PRKCA: variants seen among roughly 807,000 people sequenced by gnomAD.
PRKCA encodes the protein protein kinase C alpha type.
In PRKCA, 27 loss-of-function variants were observed where a neutral mutation model predicts 87.0. The observed-to-expected ratio is 0.31, with a 90% CI of 0.23 to 0.43. PRKCA has a LOEUF of 0.43. Ranked by LOEUF, PRKCA falls within the 20% of genes least tolerant of loss-of-function variation. PRKCA has a pLI of 1.00. For missense variants in PRKCA, 518 were observed against 852.3 expected (o/e 0.61, Z 4.88); for synonymous variants, 329 against 311.1 (o/e 1.06, Z -0.61).
At chr17:66,768,859 A>G (rs1974868344) in intron 13 of PRKCA, among the ~76,000 whole-genome samples, 1 of 152,198 alleles carries the variant, frequency 6.6e-6, no homozygotes, top group Non-Finnish European at 1.5e-5. Flanking sequence ...CACAAACCAT[A>G]TTGGGAGGTA....
chr17:66,620,246 TTTAGCTGGTGC>T (rs1598820265), intron 3 of PRKCA, among the ~76,000 whole-genome samples: 1 of 152,236 alleles, frequency 6.6e-6, no homozygotes, highest in African/African-American at 2.4e-5. Context: ...AACAGCCTAT[TTTAGCTGGTGC>T]CTATTTTCCT....
At chr17:66,575,679 G>A (rs371442048) in intron 3 of PRKCA, among the ~76,000 whole-genome samples, 1 of 152,200 alleles carries the variant, frequency 6.6e-6, no homozygotes, top group East Asian at 1.9e-4. Context: ...CACACATACA[G>A]GGATTACTTG....
At chr17:66,721,068 G>C (rs1258694364) in intron 8 of PRKCA, among the ~76,000 whole-genome samples, 1 of 152,164 alleles carries the variant, frequency 6.6e-6, no homozygotes, top group Non-Finnish European at 1.5e-5. Context: ...AGTCCACAGA[G>C]TAAAGTGAAA....
intron 3 of PRKCA, among the ~76,000 whole-genome samples, chr17:66,572,962 G>A (rs1272265046): frequency 6.6e-6 from 1 of 152,166 alleles, no homozygotes; most frequent in Non-Finnish European, 1.5e-5. Flanking sequence ...CAAACCTGAA[G>A]AATTACATCT....
intron 5 of PRKCA, among the ~76,000 whole-genome samples, chr17:66,665,084 G>A (rs531659233): frequency 1.3e-5 from 2 of 152,286 alleles, no homozygotes; most frequent in East Asian, 3.9e-4. Context: ...TGTTCTCAGT[G>A]TGTGTCCGAA....
chr17:66,538,235 G>A (rs77234737), intron 3 of PRKCA, among the ~76,000 whole-genome samples: 20,597 of 152,206 alleles, frequency 0.14, 1,476 homozygotes, highest in Middle Eastern at 0.21. Context: ...ACTTAAAGCT[G>A]TGCCTCTTTC....
At chr17:66,683,831 A>T (rs556327338) in intron 5 of PRKCA, among the ~76,000 whole-genome samples, 3 of 152,080 alleles carry the variant, frequency 2.0e-5, no homozygotes, top group Non-Finnish European at 4.4e-5. Context: ...AACTCCCAAC[A>T]TCATGTGATC....
In PRKCA at chr17:66,784,670, T is replaced by C. The variant is rs139540384; in HGVS notation, c.1606-2197T>C. The stretch of plus-strand genomic sequence containing the variant: ...AAATAGATGTCCAGAAGAAGCAGGC[T>C]GCGTGCTGTTAGGCAGGGAAGATAC... On this transcript the variant is annotated intron_variant, in intron 14 of 16. Transcript: ENST00000413366. Among the ~76,000 whole-genome samples the C allele has an allele frequency of 2.3e-4, 35 of 152,376 alleles. No homozygotes were observed. The East Asian group carries it at 6.7e-3, about 29-fold the overall frequency.
intron 2 of PRKCA, among the ~76,000 whole-genome samples, chr17:66,485,243 T>C (rs1915944585): frequency 6.6e-6 from 1 of 152,144 alleles, no homozygotes; most frequent in South Asian, 2.1e-4. Flanking sequence ...AAACCTTGCA[T>C]AGAAAGATAC....
intron 3 of PRKCA, among the ~76,000 whole-genome samples, chr17:66,546,000 A>T (rs1427435753): frequency 1.3e-5 from 2 of 152,188 alleles, no homozygotes; most frequent in Non-Finnish European, 2.9e-5. Flanking sequence ...TTACCATGAT[A>T]CTTCGTTTTT....
intron 14 of PRKCA, chr17:66,775,550 G>C (rs549551539): frequency 3.2e-5 from 32 of 985,236 alleles, no homozygotes; most frequent in Non-Finnish European, 3.9e-5. Context: ...TGATTCTGCC[G>C]TGGGCAGCTT....
At chr17:66,768,266 G>A (rs950892712) in intron 13 of PRKCA, among the ~76,000 whole-genome samples, 1 of 151,022 alleles carries the variant, frequency 6.6e-6, no homozygotes, top group Non-Finnish European at 1.5e-5. Flanking sequence ...TTTTTTGGGG[G>A]GGAGAGATTA....
chr17:66,581,194 A>T (rs1052830070), intron 3 of PRKCA, among the ~76,000 whole-genome samples: 2 of 152,186 alleles, frequency 1.3e-5, no homozygotes, highest in Non-Finnish European at 2.9e-5. Flanking sequence ...ATCAGTTGAG[A>T]AAGCAAACTT....
chr17:66,517,346 A>G (rs1967000946), intron 3 of PRKCA, among the ~76,000 whole-genome samples: 1 of 152,022 alleles, frequency 6.6e-6, no homozygotes, highest in African/African-American at 2.4e-5. Context: ...CCTGTCCCCC[A>G]ATGGACTCCT....
At chr17:66,729,294 C>T (rs1367304848) in intron 8 of PRKCA, among the ~76,000 whole-genome samples, 1 of 152,140 alleles carries the variant, frequency 6.6e-6, no homozygotes, top group Non-Finnish European at 1.5e-5. Context: ...ATCCCAGCTA[C>T]TCAGGAGGCT....
At chr17:66,687,580 G>T (rs1467538230) in intron 6 of PRKCA, among the ~76,000 whole-genome samples, 1 of 152,190 alleles carries the variant, frequency 6.6e-6, no homozygotes, top group East Asian at 1.9e-4. Context: ...TCCACCTCTT[G>T]ATGGACTTAG....
chr17:66,441,434 G>GC (rs1913751547), intron 2 of PRKCA, among the ~76,000 whole-genome samples: 1 of 68,046 alleles, frequency 1.5e-5, no homozygotes, highest in Non-Finnish European at 3.2e-5. Flanking sequence ...ATCCCTGAGG[G>GC]GGAACCTACT....
chr17:66,512,352 G>A (rs1191727973), intron 3 of PRKCA, among the ~76,000 whole-genome samples: 1 of 152,068 alleles, frequency 6.6e-6, no homozygotes, highest in Non-Finnish European at 1.5e-5. Context: ...TGAGGCAGGA[G>A]AATTGCTTGA....
intron 2 of PRKCA, among the ~76,000 whole-genome samples, chr17:66,491,887 C>G (rs1038998514): frequency 6.6e-6 from 1 of 152,244 alleles, no homozygotes; most frequent in African/African-American, 2.4e-5. Flanking sequence ...TCTGGGGCAG[C>G]CTTTCCCAGG....
Sources: gnomAD v4.1 joint callset for allele counts (sites outside exome capture counted in the v4.1 genomes callset) on GRCh38, gnomAD v4.1.1 for gene constraint, MANE v1.5 for transcripts, NCBI Gene and HGNC (gene_info 2026-07-23, HGNC 2026-07-21) for gene names.